The following VPS37A variants were observed in gnomAD, a reference collection of about 807,000 sequenced individuals.
VPS37A encodes the protein vacuolar protein sorting-associated protein 37A.
A neutral mutation model predicts 49.8 loss-of-function variants in VPS37A; 30 were observed. The ratio of observed to expected loss-of-function variants is 0.60; its 90% CI spans 0.45 to 0.82. VPS37A has a LOEUF of 0.82. VPS37A is among the 40% of genes least tolerant of loss of function. The probability of loss-of-function intolerance (pLI) is 0.00; values close to 1 mark genes in which losing one functional copy is unlikely to be tolerated. For missense variants in VPS37A, 593 were observed against 464.4 expected (o/e 1.28, Z -2.55); for synonymous variants, 195 against 160.6 (o/e 1.21, Z -1.62).
chr8:17,290,491 C>T (rs368870169), intron 11 of VPS37A, among the ~76,000 whole-genome samples: 12 of 152,252 alleles, frequency 7.9e-5, no homozygotes, highest in African/African-American at 2.4e-4. Flanking sequence ...TATTGATTTG[C>T]GTATGTTGAA....
chr8:17,276,562 A>T, intron 6 of VPS37A, 95 bp downstream of exon 6: 1 of 1,200,022 alleles, frequency 8.3e-7, no homozygotes, highest in Non-Finnish European at 1.2e-6. Flanking sequence ...AAAGTTTAAA[A>T]TTTTCACTAA....
the VPS37A span, among the ~76,000 whole-genome samples, chr8:17,332,127 T>C: frequency 4.6e-5 from 7 of 152,126 alleles, no homozygotes; most frequent in Non-Finnish European, 7.4e-5. Flanking sequence ...CATCACATCC[T>C]AGAAAACAGC....
At chr8:17,267,767 C>G (rs991956941) in intron 2 of VPS37A, among the ~76,000 whole-genome samples, 2 of 152,160 alleles carry the variant, frequency 1.3e-5, no homozygotes, top group African/African-American at 4.8e-5. Context: ...GCTCAAGTGG[C>G]TCTCCTGCCT....
At chr8:17,256,107 G>T (rs986099175) in intron 1 of VPS37A, among the ~76,000 whole-genome samples, 2 of 151,570 alleles carry the variant, frequency 1.3e-5, no homozygotes, top group African/African-American at 4.9e-5. Context: ...GGTTCTAAAG[G>T]TGCAGAGATA....
chr8:17,268,077 C>G (rs1230302074), intron 2 of VPS37A, among the ~76,000 whole-genome samples, 181 bp from the exon 3 acceptor site: 1 of 152,252 alleles, frequency 6.6e-6, no homozygotes, highest in Middle Eastern at 3.4e-3. Flanking sequence ...AGTCTTGTTA[C>G]CAAATTTTAG....
the VPS37A span, chr8:17,313,427 G>A: frequency 2.1e-5 from 31 of 1,451,722 alleles, no homozygotes; most frequent in Non-Finnish European, 2.8e-5. Flanking sequence ...TGTTATAAAA[G>A]CAAAATTAAG....
At chr8:17,256,131 G>C (rs892873236) in intron 1 of VPS37A, among the ~76,000 whole-genome samples, 1 of 150,200 alleles carries the variant, frequency 6.7e-6, no homozygotes, top group African/African-American at 2.5e-5. Context: ...TTAGTCTTTT[G>C]AGGAACCTCC....
chr8:17,248,748 T>C (rs893641595), intron 1 of VPS37A, among the ~76,000 whole-genome samples: 1 of 152,216 alleles, frequency 6.6e-6, no homozygotes, highest in African/African-American at 2.4e-5. Context: ...GACTGAACTT[T>C]AGGTGTTTCT....
rs1218300483 is a variant in VPS37A at position 17,295,161 on chromosome 8, C to G, written c.*175C>G. ...TACCGATTAGAATGATTGCTATGAT[C>G]TTTGAGAAATTTTTCTGCACTATTT... On this transcript the variant is annotated 3_prime_UTR_variant, in exon 12 of 12. Transcript: ENST00000324849. 6.6e-6 allele frequency: 1 copy of G among 152,572 alleles called. No individual in the cohort carries two copies. The highest frequency in any genetic ancestry group is 1.5e-5 in the Non-Finnish European group (1 of 68,022). The allele number at this position is 152,572 out of a possible 1,614,324, so 9.5% of individuals were successfully genotyped here.
downstream of VPS37A, chr8:17,300,343 C>G (rs887410731): frequency 1.1e-5 from 13 of 1,138,284 alleles, no homozygotes; most frequent in Non-Finnish European, 1.6e-5. Flanking sequence ...ACATGTGACT[C>G]AGAGGGATGT....
chr8:17,305,718 TAAA>T (rs1817404934), downstream of VPS37A: 10 of 1,534,558 alleles, frequency 6.5e-6, no homozygotes, highest in East Asian at 2.3e-5. Flanking sequence ...TCAAAATCTT[TAAA>T]TAAAAGTTAA....
chr8:17,295,478 T>A lies in VPS37A; in HGVS notation c.*492T>A, dbSNP rs533301440. The A allele has an allele frequency of 6.6e-6, 1 of 152,632 alleles. No homozygotes were observed. Among genetic ancestry groups the A allele is most frequent in the South Asian group, 2.1e-4 (1 of 4,836 alleles). 9.5% of individuals were successfully genotyped at this position (152,632 alleles called of 1,614,324 possible). On this transcript the variant is annotated 3_prime_UTR_variant, in exon 12 of 12. Transcript: ENST00000324849. ...CAAAAGCAATTTAAGATATTCATAG[T>A]GTTAGGAAACACCAAACCTGCCTAT...
intron 1 of VPS37A, among the ~76,000 whole-genome samples, chr8:17,250,755 C>T (rs1217206627): frequency 1.3e-5 from 2 of 152,084 alleles, no homozygotes; most frequent in African/African-American, 4.8e-5. Flanking sequence ...TCCTCAGCTA[C>T]CTCAGTCTTC....
At chr8:17,298,026 A>ATACTT (rs1157195646), downstream of VPS37A, 3 of 152,054 alleles carry the variant, frequency 2.0e-5, no homozygotes, top group Non-Finnish European at 2.9e-5. Context: ...TTTGGCATAG[A>ATACTT]TACTTTGTCA....
At chr8:17,308,501 G>A in the VPS37A span, among the ~76,000 whole-genome samples, 3 of 152,176 alleles carry the variant, frequency 2.0e-5, no homozygotes, top group East Asian at 1.9e-4. Context: ...TACTTGAGCA[G>A]TTGCATGCAT....
At chr8:17,292,906 CCTTG>C (rs1816281155) in intron 11 of VPS37A, among the ~76,000 whole-genome samples, 1 of 152,168 alleles carries the variant, frequency 6.6e-6, no homozygotes, top group South Asian at 2.1e-4. Context: ...TTCATTTCAA[CCTTG>C]GTAAATCTGA....
chr8:17,309,193 G>C, the VPS37A span: 6 of 943,396 alleles, frequency 6.4e-6, no homozygotes, highest in South Asian at 8.6e-5. Context: ...AAAACAAGAC[G>C]ATTTTCCCCT....
intron 5 of VPS37A, among the ~76,000 whole-genome samples, chr8:17,276,093 T>C (rs1814485422): frequency 6.6e-6 from 1 of 152,106 alleles, no homozygotes; most frequent in African/African-American, 2.4e-5. Context: ...GAGAAACATA[T>C]TCATATATAC....
At chr8:17,263,381 A>T (rs1267264781) in intron 1 of VPS37A, among the ~76,000 whole-genome samples, 1 of 152,110 alleles carries the variant, frequency 6.6e-6, no homozygotes, top group Non-Finnish European at 1.5e-5. Context: ...ACAAGTACTT[A>T]TCTGTTGTTT....
Sources: gnomAD v4.1 joint callset for allele counts (sites outside exome capture counted in the v4.1 genomes callset) on GRCh38, gnomAD v4.1.1 for gene constraint, MANE v1.5 for transcripts, NCBI Gene and HGNC (gene_info 2026-07-23, HGNC 2026-07-21) for gene names.